Variants in ABI1 observed in about 807,000 individuals in gnomAD.
ABI1 encodes the protein abl interactor 1.
A neutral mutation model predicts 54.6 loss-of-function variants in ABI1; 14 were observed. The ratio of observed to expected loss-of-function variants is 0.26; its 90% CI spans 0.17 to 0.40. ABI1 has a LOEUF of 0.40. Ranked by LOEUF, ABI1 falls within the 10% of genes least tolerant of loss-of-function variation. The pLI, the probability that ABI1 is intolerant of heterozygous loss-of-function variation, is 1.00. For synonymous variants in ABI1, 194 were observed against 209.3 expected, an observed-to-expected ratio of 0.93 and a Z score of 0.63; for missense variants, 443 against 598.3, an observed-to-expected ratio of 0.74 and a Z score of 2.71.
At chr10:26,846,136 C>T (rs1341563676) in intron 1 of ABI1, among the ~76,000 whole-genome samples, 3 of 145,570 alleles carry the variant, frequency 2.1e-5, no homozygotes, top group East Asian at 2.1e-4. Flanking sequence ...AGTGAGACTC[C>T]GTCTCAAAAA....
chr10:26,816,047 TGTTTCA>T (rs2047543775), intron 2 of ABI1, among the ~76,000 whole-genome samples: 1 of 152,240 alleles, frequency 6.6e-6, no homozygotes, highest in African/African-American at 2.4e-5. Flanking sequence ...ATCGTGTCTT[TGTTTCA>T]AAGTTTATTG....
intron 1 of ABI1, among the ~76,000 whole-genome samples, chr10:26,832,141 C>G (rs1047647392): frequency 1.2e-4 from 19 of 152,272 alleles, no homozygotes; most frequent in East Asian, 1.2e-3. Context: ...ATGCCATGAC[C>G]GCTGACTGGC....
At chr10:26,857,150 C>T (rs1476288218) in intron 1 of ABI1, among the ~76,000 whole-genome samples, 1 of 151,596 alleles carries the variant, frequency 6.6e-6, no homozygotes, top group Non-Finnish European at 1.5e-5. Context: ...TGAAACCCTG[C>T]CTCTGCTAAA....
chr10:26,775,539 G>A (rs1159246979), intron 3 of ABI1, among the ~76,000 whole-genome samples: 1 of 151,438 alleles, frequency 6.6e-6, no homozygotes, highest in African/African-American at 2.4e-5. Flanking sequence ...ATTATGGCTA[G>A]AAAGCAGATT....
chr10:26,853,040 C>T (rs1564588616), intron 1 of ABI1, among the ~76,000 whole-genome samples: 1 of 152,034 alleles, frequency 6.6e-6, no homozygotes, highest in Non-Finnish European at 1.5e-5. Flanking sequence ...GTTAAAAGTA[C>T]TTATTTGGAT....
intron 2 of ABI1, among the ~76,000 whole-genome samples, chr10:26,813,884 T>C (rs1246106066): frequency 1.3e-5 from 2 of 152,194 alleles, no homozygotes; most frequent in African/African-American, 4.8e-5. Flanking sequence ...TGTTTGAATA[T>C]CTGATATGAT....
intron 6 of ABI1, among the ~76,000 whole-genome samples, chr10:26,766,139 T>C (rs1283914210): frequency 7.5e-6 from 1 of 133,412 alleles, no homozygotes; most frequent in Non-Finnish European, 1.7e-5. Flanking sequence ...GGTGATAACA[T>C]AGGGAAATTT....
chr10:26,817,373 A>G (rs2047642458), intron 2 of ABI1, among the ~76,000 whole-genome samples: 1 of 152,200 alleles, frequency 6.6e-6, no homozygotes, highest in African/African-American at 2.4e-5. Flanking sequence ...AACCAGCATG[A>G]ATCACTCTAC....
intron 6 of ABI1, 73 bp downstream of exon 6, chr10:26,768,779 C>A: frequency 1.5e-6 from 2 of 1,350,618 alleles, no homozygotes; most frequent in Non-Finnish European, 2.0e-6. Flanking sequence ...TTACTCAGCA[C>A]CTCCATAGGA....
chr10:26,749,130 C>G (rs188457906), intron 10 of ABI1, among the ~76,000 whole-genome samples: 4 of 152,300 alleles, frequency 2.6e-5, no homozygotes. Context: ...AACCAGGTAA[C>G]AATCCAAGCT....
intron 1 of ABI1, among the ~76,000 whole-genome samples, chr10:26,835,775 A>C (rs972564446): frequency 3.2e-4 from 36 of 112,588 alleles, no homozygotes; most frequent in African/African-American, 1.7e-3. Context: ...ATTTTTACTA[A>C]TATTTTTTTT....
At chr10:26,850,079 G>A (rs2050270217) in intron 1 of ABI1, among the ~76,000 whole-genome samples, 1 of 152,186 alleles carries the variant, frequency 6.6e-6, no homozygotes, top group Non-Finnish European at 1.5e-5. Context: ...ACACAACTGT[G>A]TGAGGACAGA....
chr10:26,758,640 C>A (rs1838690905), intron 8 of ABI1, among the ~76,000 whole-genome samples: 1 of 152,124 alleles, frequency 6.6e-6, no homozygotes, highest in African/African-American at 2.4e-5. Flanking sequence ...AAAGTGATAG[C>A]CAGCAATTTC....
At chr10:26,839,660 A>G in intron 1 of ABI1, 1 of 630,556 alleles carries the variant, frequency 1.6e-6, no homozygotes, top group Non-Finnish European at 2.8e-6. Context: ...TTAAAAAAAA[A>G]AAAAAACATG....
At chr10:26,764,238 A>G (rs1839614776) in intron 7 of ABI1, among the ~76,000 whole-genome samples, 1 of 152,176 alleles carries the variant, frequency 6.6e-6, no homozygotes, top group Non-Finnish European at 1.5e-5. Context: ...TCATTATCAT[A>G]CTTTAAAAAT....
intron 1 of ABI1, among the ~76,000 whole-genome samples, chr10:26,847,677 GA>G (rs756053235): frequency 2.0e-5 from 3 of 150,912 alleles, no homozygotes; most frequent in Non-Finnish European, 1.5e-5. Flanking sequence ...AGATGGAACT[GA>G]AAAAAAATAG....
intron 2 of ABI1, among the ~76,000 whole-genome samples, chr10:26,792,812 A>G (rs1843648093): frequency 1.3e-5 from 2 of 152,242 alleles, no homozygotes; most frequent in Admixed American, 1.3e-4. Context: ...TTAAGATATG[A>G]TTATTTTAAA....
intron 7 of ABI1, 130 bp from the exon 8 acceptor site, chr10:26,759,368 TAAAG>T (rs1012998465): frequency 6.4e-5 from 41 of 641,792 alleles, no homozygotes; most frequent in Non-Finnish European, 1.4e-5. Flanking sequence ...AGGCACAAAA[TAAAG>T]AGAAAAGTAA....
At chr10:26,808,671 C>T (rs1012789902) in intron 2 of ABI1, among the ~76,000 whole-genome samples, 1 of 151,656 alleles carries the variant, frequency 6.6e-6, no homozygotes, top group Non-Finnish European at 1.5e-5. Context: ...TGCAGTGAGC[C>T]GAGATCATGC....
Sources: gnomAD v4.1 joint callset for allele counts (sites outside exome capture counted in the v4.1 genomes callset) on GRCh38, gnomAD v4.1.1 for gene constraint, MANE v1.5 for transcripts, NCBI Gene and HGNC (gene_info 2026-07-23, HGNC 2026-07-21) for gene names.